Variants in SEMA6D observed in about 807,000 individuals in gnomAD.
SEMA6D encodes semaphorin-6D.
A neutral mutation model predicts 106.6 loss-of-function variants in SEMA6D; 35 were observed. That is an observed-to-expected ratio of 0.33 (90% CI 0.25 to 0.44). SEMA6D has a LOEUF of 0.44. Ranked by LOEUF, SEMA6D falls within the 20% of genes least tolerant of loss-of-function variation. The pLI is 1.00. For missense variants in SEMA6D, 1,185 were observed against 1,345.9 expected, an observed-to-expected ratio of 0.88 and a Z score of 1.87; for synonymous variants, 499 against 487.7, an observed-to-expected ratio of 1.02 and a Z score of -0.31.
At chr15:47,569,740 G>A (rs2046327530) in intron 3 of SEMA6D, among the ~76,000 whole-genome samples, 1 of 152,122 alleles carries the variant, frequency 6.6e-6, no homozygotes, top group Non-Finnish European at 1.5e-5. Flanking sequence ...TAATAATTTA[G>A]TAAATTATCT....
chr15:47,184,373 C>A (rs568248124), exon 1 of SEMA6D: 2 of 152,582 alleles, frequency 1.3e-5, no homozygotes, highest in African/African-American at 2.4e-5. Flanking sequence ...GTGCTAGACA[C>A]CTGCCGAGTC....
intron 1 of SEMA6D, among the ~76,000 whole-genome samples, chr15:47,293,461 G>A (rs2035675554): frequency 6.6e-6 from 1 of 152,170 alleles, no homozygotes; most frequent in African/African-American, 2.4e-5. Context: ...GTCGAGAGGT[G>A]GCTTAGTGCC....
At chr15:47,423,491 C>T (rs74011432) in intron 2 of SEMA6D, among the ~76,000 whole-genome samples, 440 of 152,160 alleles carry the variant, frequency 2.9e-3, no homozygotes, top group African/African-American at 0.01. Flanking sequence ...CTTGATAGCC[C>T]TCCTGGGACC....
At chr15:47,226,749 CA>C (rs200530126) in intron 1 of SEMA6D, among the ~76,000 whole-genome samples, 1 of 151,552 alleles carries the variant, frequency 6.6e-6, no homozygotes, top group East Asian at 1.9e-4. Flanking sequence ...GAAGAAGCCA[CA>C]AAAAAAACAA....
chr15:47,208,871 A>G (rs1003080503), intron 1 of SEMA6D, among the ~76,000 whole-genome samples: 6 of 152,040 alleles, frequency 3.9e-5, no homozygotes, highest in Non-Finnish European at 8.8e-5. Flanking sequence ...ACCTCTTGGG[A>G]TAACTAGAGT....
intron 1 of SEMA6D, among the ~76,000 whole-genome samples, chr15:47,285,451 GA>G (rs1282807150): frequency 2.7e-5 from 4 of 150,372 alleles, no homozygotes; most frequent in Non-Finnish European, 1.5e-5. Flanking sequence ...CTTTCTACAA[GA>G]AAACAATTTG....
At chr15:47,625,838 GGTGT>G (rs1229927287) in intron 4 of SEMA6D, among the ~76,000 whole-genome samples, 2 of 151,912 alleles carry the variant, frequency 1.3e-5, no homozygotes, top group African/African-American at 4.8e-5. Context: ...AATTTAAAAG[GGTGT>G]GATAAAATAT....
intron 3 of SEMA6D, among the ~76,000 whole-genome samples, chr15:47,579,738 C>T (rs537946355): frequency 9.5e-4 from 144 of 152,212 alleles, no homozygotes; most frequent in South Asian, 4.4e-3. Flanking sequence ...TCCTGTACTC[C>T]AATCTAGAAA....
chr15:47,284,895 C>T (rs771975960), intron 1 of SEMA6D, among the ~76,000 whole-genome samples: 41 of 152,092 alleles, frequency 2.7e-4, no homozygotes, highest in Non-Finnish European at 5.0e-4. Flanking sequence ...TCACATGGGG[C>T]GCATCTCCTT....
At chr15:47,703,950 G>A (rs1181396485) in intron 4 of SEMA6D, among the ~76,000 whole-genome samples, 1 of 152,156 alleles carries the variant, frequency 6.6e-6, no homozygotes, top group East Asian at 1.9e-4. Flanking sequence ...ACATGGGGGT[G>A]TGTAAAAGAA....
At chr15:47,237,318 T>C (rs749693078) in intron 1 of SEMA6D, among the ~76,000 whole-genome samples, 2 of 152,152 alleles carry the variant, frequency 1.3e-5, no homozygotes, top group Non-Finnish European at 2.9e-5. Flanking sequence ...CAATATGCAA[T>C]AGTTATTCCA....
At chr15:47,501,885 A>G (rs943171874) in intron 3 of SEMA6D, among the ~76,000 whole-genome samples, 3 of 151,702 alleles carry the variant, frequency 2.0e-5, no homozygotes, top group Non-Finnish European at 1.5e-5. Context: ...TTGTTTTACT[A>G]TAAGCTTCAT....
chr15:47,617,231 A>G (rs7496324), intron 4 of SEMA6D, among the ~76,000 whole-genome samples: 1 of 152,206 alleles, frequency 6.6e-6, no homozygotes, highest in African/African-American at 2.4e-5. Flanking sequence ...TAAGGAATTC[A>G]TCATCTTTCA....
intron 1 of SEMA6D, among the ~76,000 whole-genome samples, chr15:47,318,627 A>G (rs1159621409): frequency 1.4e-5 from 2 of 140,296 alleles, no homozygotes; most frequent in East Asian, 2.0e-4. Context: ...ATAGTATTCC[A>G]TGGTGTATAT....
chr15:47,711,914 TTTTGGGTGTAAAACAATCAATGC>T (rs959955477), intron 4 of SEMA6D, among the ~76,000 whole-genome samples: 2 of 152,184 alleles, frequency 1.3e-5, no homozygotes, highest in African/African-American at 4.8e-5. Context: ...ATGTAGGGGT[TTTTGGGTGTAAAACAATCAATGC>T]TTAAGATTTG....
At chr15:47,306,039 T>C (rs1054934007) in intron 1 of SEMA6D, among the ~76,000 whole-genome samples, 1 of 152,192 alleles carries the variant, frequency 6.6e-6, no homozygotes, top group African/African-American at 2.4e-5. Context: ...TAGAGTGCAG[T>C]GGCACGATTT....
intron 1 of SEMA6D, among the ~76,000 whole-genome samples, chr15:47,315,261 A>T (rs1346041875): frequency 6.6e-6 from 1 of 152,088 alleles, no homozygotes; most frequent in Non-Finnish European, 1.5e-5. Context: ...ATTTTGAGTT[A>T]ATTCTTGTAA....
chr15:47,460,386 G>A (rs1332426222), intron 2 of SEMA6D, among the ~76,000 whole-genome samples: 1 of 152,042 alleles, frequency 6.6e-6, no homozygotes, highest in African/African-American at 2.4e-5. Flanking sequence ...CAATGAAGTT[G>A]GGTTAGCCAG....
At chr15:47,327,948 T>A (rs926881455) in intron 1 of SEMA6D, among the ~76,000 whole-genome samples, 1 of 152,232 alleles carries the variant, frequency 6.6e-6, no homozygotes, top group African/African-American at 2.4e-5. Context: ...CTATTATGTT[T>A]GTTATCATTA....
Sources: gnomAD v4.1 joint callset for allele counts (sites outside exome capture counted in the v4.1 genomes callset) on GRCh38, gnomAD v4.1.1 for gene constraint, MANE v1.5 for transcripts, NCBI Gene and HGNC (gene_info 2026-07-23, HGNC 2026-07-21) for gene names.